Variants in EPHA6 observed in about 807,000 individuals in gnomAD.
EPHA6 encodes the protein ephrin type-A receptor 6.
A neutral mutation model predicts 112.0 loss-of-function variants in EPHA6; 50 were observed. The observed-to-expected ratio is 0.45, with a 90% CI of 0.36 to 0.56. The LOEUF is 0.56. EPHA6 is among the 20% of genes least tolerant of loss of function. The pLI is 0.00. For synonymous variants in EPHA6, 529 were observed against 490.7 expected (o/e 1.08, Z -1.03); for missense variants, 1,280 against 1,417.4 (o/e 0.90, Z 1.56).
At chr3:97,479,229 A>G in intron 8 of EPHA6, 65 bp from the exon 9 acceptor site, 1 of 945,428 alleles carries the variant, frequency 1.1e-6, no homozygotes. Flanking sequence ...ATGTATTTTA[A>G]TTGGTTTTGC....
intron 5 of EPHA6, among the ~76,000 whole-genome samples, chr3:97,287,911 A>G (rs1248703997): frequency 2.0e-5 from 3 of 152,048 alleles, no homozygotes; most frequent in Non-Finnish European, 4.4e-5. Flanking sequence ...TCAGGGTAGT[A>G]GTATCAGGGT....
intron 3 of EPHA6, among the ~76,000 whole-genome samples, chr3:97,082,984 T>C (rs925084635): frequency 6.6e-6 from 1 of 150,614 alleles, no homozygotes; most frequent in Non-Finnish European, 1.5e-5. Flanking sequence ...TTTGGCTTTA[T>C]GATACATAAT....
intron 7 of EPHA6, among the ~76,000 whole-genome samples, chr3:97,469,237 G>T (rs1416689831): frequency 6.6e-6 from 1 of 151,612 alleles, no homozygotes; most frequent in Non-Finnish European, 1.5e-5. Context: ...TCTTGTGTCA[G>T]ATTTTCAGTT....
intron 1 of EPHA6, among the ~76,000 whole-genome samples, chr3:96,816,199 T>C (rs1185134375): frequency 3.9e-5 from 6 of 152,224 alleles, no homozygotes; most frequent in Non-Finnish European, 8.8e-5. Flanking sequence ...TAAAATATAA[T>C]TATTAAATTG....
intron 11 of EPHA6, among the ~76,000 whole-genome samples, chr3:97,552,135 C>A (rs1469236887): frequency 6.6e-6 from 1 of 152,124 alleles, no homozygotes; most frequent in Non-Finnish European, 1.5e-5. Flanking sequence ...CTAACAGACT[C>A]AGAAAATATT....
At chr3:97,263,094 CTG>C (rs2079553753) in intron 5 of EPHA6, among the ~76,000 whole-genome samples, 1 of 152,070 alleles carries the variant, frequency 6.6e-6, no homozygotes, top group East Asian at 1.9e-4. Flanking sequence ...TTAAAATACT[CTG>C]TATAATTAGC....
chr3:96,904,818 G>A (rs1393196110), intron 2 of EPHA6, among the ~76,000 whole-genome samples: 1 of 152,010 alleles, frequency 6.6e-6, no homozygotes, highest in Non-Finnish European at 1.5e-5. Context: ...ACAGGATGAT[G>A]ACATGCATAA....
intron 3 of EPHA6, among the ~76,000 whole-genome samples, chr3:97,026,917 AC>A (rs1161431930): frequency 6.6e-5 from 10 of 152,186 alleles, no homozygotes; most frequent in African/African-American, 2.4e-4. Flanking sequence ...ATACCATTCA[AC>A]CCAGTAATCT....
At chr3:97,368,765 C>T (rs2084884615) in intron 5 of EPHA6, among the ~76,000 whole-genome samples, 2 of 152,096 alleles carry the variant, frequency 1.3e-5, no homozygotes, top group Admixed American at 1.3e-4. Flanking sequence ...ATTATTTGTA[C>T]ATATAGGTAT....
At chr3:97,655,986 A>G (rs1324923048) in intron 14 of EPHA6, among the ~76,000 whole-genome samples, 2 of 147,658 alleles carry the variant, frequency 1.4e-5, no homozygotes, top group South Asian at 4.3e-4. Context: ...TTTTTTTTTT[A>G]TTTTTCTTAC....
chr3:96,833,575 G>A (rs2034219504), intron 1 of EPHA6, among the ~76,000 whole-genome samples: 1 of 151,940 alleles, frequency 6.6e-6, no homozygotes, highest in Non-Finnish European at 1.5e-5. Flanking sequence ...GTAAACTATG[G>A]TGTCTGTGTA....
chr3:97,735,990 C>A lies in EPHA6; in HGVS notation c.3000C>A (p.His1000Gln). 1 of 1,612,628 alleles carries A rather than the reference C, an allele frequency of 6.2e-7. No individual in the cohort carries two copies. Among genetic ancestry groups the A allele is most frequent in the Non-Finnish European group, 8.5e-7 (1 of 1,179,130 alleles). ...PAPMGCPASL[H>Q]QLMLHCWQKE... ...CCATGGGCTGTCCAGCATCTCTACACCAGCTGATGCTCCACTGCTGGCAGA... is the reference window on the plus strand; with the variant it reads ...CCATGGGCTGTCCAGCATCTCTACAACAGCTGATGCTCCACTGCTGGCAGA... The change falls in exon 16 of 18, where the codon CAC becomes CAA. Residue 1000 changes from histidine to glutamine, a missense_variant. Coordinates refer to ENST00000389672, the MANE Select transcript of EPHA6 (RefSeq NM_001080448.3).
chr3:97,375,462 A>G (rs2085296930), intron 5 of EPHA6, among the ~76,000 whole-genome samples: 1 of 152,152 alleles, frequency 6.6e-6, no homozygotes, highest in Non-Finnish European at 1.5e-5. Context: ...GCTATTGAGC[A>G]TTATTTATTT....
chr3:97,699,076 C>G (rs997078301), intron 14 of EPHA6, among the ~76,000 whole-genome samples: 2 of 152,104 alleles, frequency 1.3e-5, no homozygotes, highest in African/African-American at 2.4e-5. Context: ...AAAGCAGAAG[C>G]ATTAATCACT....
chr3:97,117,942 T>G (rs375107435), intron 3 of EPHA6, among the ~76,000 whole-genome samples: 2 of 151,940 alleles, frequency 1.3e-5, no homozygotes, highest in East Asian at 3.9e-4. Context: ...CTATATTCAG[T>G]TCCTTTAGTG....
At chr3:97,280,324 A>G (rs1181515398) in intron 5 of EPHA6, among the ~76,000 whole-genome samples, 1 of 152,260 alleles carries the variant, frequency 6.6e-6, no homozygotes, top group East Asian at 1.9e-4. Flanking sequence ...ATGCAATTAT[A>G]TAAATTAATT....
chr3:96,979,539 G>A (rs1041889326), intron 2 of EPHA6, among the ~76,000 whole-genome samples: 4 of 152,176 alleles, frequency 2.6e-5, no homozygotes, highest in African/African-American at 9.6e-5. Flanking sequence ...ATAGCAGCAT[G>A]ATTTATAATC....
At chr3:97,162,707 G>A (rs867829905) in intron 3 of EPHA6, among the ~76,000 whole-genome samples, 1 of 152,072 alleles carries the variant, frequency 6.6e-6, no homozygotes, top group South Asian at 2.1e-4. Flanking sequence ...TTCCTCAAGG[G>A]TACCCAGCCT....
intron 3 of EPHA6, among the ~76,000 whole-genome samples, chr3:97,171,002 A>G (rs1253942440): frequency 6.6e-6 from 1 of 152,160 alleles, no homozygotes; most frequent in Non-Finnish European, 1.5e-5. Context: ...ATAAATTCAA[A>G]AAATGTAACT....
Sources: gnomAD v4.1 joint callset for allele counts (sites outside exome capture counted in the v4.1 genomes callset) on GRCh38, gnomAD v4.1.1 for gene constraint, MANE v1.5 for transcripts, NCBI Gene and HGNC (gene_info 2026-07-23, HGNC 2026-07-21) for gene names.